Variants in TBCA observed in about 807,000 individuals in gnomAD.
The protein encoded by TBCA is tubulin folding cofactor A.
In TBCA, 6 loss-of-function variants were observed where a neutral mutation model predicts 15.8. The ratio of observed to expected loss-of-function variants is 0.38; its 90% confidence interval spans 0.21 to 0.75. The LOEUF (loss-of-function observed/expected upper bound fraction) is 0.75, where lower values mean the gene tolerates loss of function less well. Ranked by LOEUF, TBCA falls within the 30% of genes least tolerant of loss-of-function variation. The pLI is 0.46. For synonymous variants in TBCA, 32 were observed against 42.3 expected (o/e 0.76, Z 0.94); for missense variants, 90 against 131.2 (o/e 0.69, Z 1.53).
chr5:77,733,503 G>A (rs899705341), intron 1 of TBCA, among the ~76,000 whole-genome samples: 3 of 152,200 alleles, frequency 2.0e-5, no homozygotes, highest in African/African-American at 7.2e-5. Context: ...TAGTGATCTG[G>A]ATAGATCAAA....
chr5:77,691,712 C>T, intron 3 of TBCA: 2 of 1,294,636 alleles, frequency 1.5e-6, no homozygotes, highest in African/African-American at 1.5e-5. Flanking sequence ...TTTTGTTTCA[C>T]TGTATATATT....
At chr5:77,698,546 C>T (rs1745927474) in intron 2 of TBCA, among the ~76,000 whole-genome samples, 1 of 152,118 alleles carries the variant, frequency 6.6e-6, no homozygotes, top group African/African-American at 2.4e-5. Flanking sequence ...GCTCTCCAGG[C>T]CCAGATAATT....
intron 1 of TBCA, among the ~76,000 whole-genome samples, chr5:77,745,703 T>C (rs992775735): frequency 6.6e-6 from 1 of 152,242 alleles, no homozygotes; most frequent in African/African-American, 2.4e-5. Context: ...TAGTGCCTTA[T>C]ACGTAGTAGA....
chr5:77,757,822 G>A (rs1322012151), intron 1 of TBCA, among the ~76,000 whole-genome samples: 1 of 152,160 alleles, frequency 6.6e-6, no homozygotes, highest in Non-Finnish European at 1.5e-5. Context: ...ATGTGCCCAA[G>A]GTGGCTGGAG....
intron 1 of TBCA, among the ~76,000 whole-genome samples, chr5:77,751,601 T>C (rs1225575578): frequency 6.6e-6 from 1 of 152,090 alleles, no homozygotes; most frequent in East Asian, 1.9e-4. Flanking sequence ...AGAGGAGATG[T>C]GGCCAGAGGC....
At chr5:77,727,233 T>A (rs1309859225) in intron 1 of TBCA, among the ~76,000 whole-genome samples, 12 of 121,766 alleles carry the variant, frequency 9.9e-5, no homozygotes, top group Non-Finnish European at 1.7e-4. Context: ...TGAGACTCTG[T>A]CTCAGGAAAA....
intron 2 of TBCA, among the ~76,000 whole-genome samples, chr5:77,700,318 T>A (rs1188855450): frequency 6.6e-6 from 1 of 152,046 alleles, no homozygotes; most frequent in African/African-American, 2.4e-5. Flanking sequence ...ACAAAGGGCA[T>A]GTGTCTAGTA....
chr5:77,762,271 A>T (rs1335010335), intron 1 of TBCA, among the ~76,000 whole-genome samples: 1 of 152,260 alleles, frequency 6.6e-6, no homozygotes, highest in Non-Finnish European at 1.5e-5. Context: ...TTCTATTTAT[A>T]AACAAAAGAC....
intron 2 of TBCA, among the ~76,000 whole-genome samples, chr5:77,699,566 T>A (rs1055885758): frequency 3.9e-5 from 6 of 152,072 alleles, no homozygotes; most frequent in Non-Finnish European, 5.9e-5. Context: ...AACCTAACAC[T>A]TTATATAAAA....
intron 1 of TBCA, among the ~76,000 whole-genome samples, chr5:77,729,238 TGGGA>T (rs1746702689): frequency 6.6e-6 from 1 of 151,840 alleles, no homozygotes; most frequent in African/African-American, 2.4e-5. Flanking sequence ...CGCTTGAACC[TGGGA>T]GGAAGAGGTT....
In TBCA at chr5:77,708,305, T is replaced by C; in HGVS notation, c.96A>G (p.Gln32=). Reference sequence around the variant, plus strand: ...TCATTTTTTCAATCTTTTCTTCTTGTTGTTTTGCCTCTTTTTCATACATCA... The same window carrying C: ...TCATTTTTTCAATCTTTTCTTCTTGCTGTTTTGCCTCTTTTTCATACATCA... ...EKVMYEKEAK[Q]QEEKIEKMRA... Residue 32 remains glutamine, a synonymous_variant, in exon 2 of 4, where the codon CAA becomes CAG. Coordinates refer to ENST00000380377, the MANE Select transcript of TBCA (RefSeq NM_004607.3). The C allele has an allele frequency of 6.2e-7, 1 of 1,611,824 alleles. No individual in the cohort carries two copies.
intron 1 of TBCA, among the ~76,000 whole-genome samples, chr5:77,747,572 A>G (rs1747216064): frequency 1.3e-5 from 2 of 152,150 alleles, no homozygotes; most frequent in African/African-American, 2.4e-5. Flanking sequence ...TCTTTCTTTA[A>G]AAGACTAATG....
intron 2 of TBCA, among the ~76,000 whole-genome samples, chr5:77,702,454 G>A (rs186685781): frequency 6.6e-6 from 1 of 152,148 alleles, no homozygotes; most frequent in Non-Finnish European, 1.5e-5. Context: ...TCCATTCTAC[G>A]TTATGTGACA....
chr5:77,743,572 T>A (rs1747098837), intron 1 of TBCA, among the ~76,000 whole-genome samples: 1 of 152,204 alleles, frequency 6.6e-6, no homozygotes, highest in African/African-American at 2.4e-5. Flanking sequence ...GGCTAAAGTC[T>A]GCCGTCAGGG....
chr5:77,741,016 A>G (rs13162532), intron 1 of TBCA, among the ~76,000 whole-genome samples: 87,274 of 152,032 alleles, frequency 0.57, 25,232 homozygotes, highest in South Asian at 0.66. Flanking sequence ...TATCACTGTA[A>G]CAAGAAAACA....
chr5:77,721,540 A>G (rs185110295), intron 1 of TBCA, among the ~76,000 whole-genome samples: 1 of 152,266 alleles, frequency 6.6e-6, no homozygotes, highest in African/African-American at 2.4e-5. Context: ...ATCCTATCTG[A>G]TGGTATACGT....
At chr5:77,744,903 C>T (rs1747147571) in intron 1 of TBCA, among the ~76,000 whole-genome samples, 1 of 152,172 alleles carries the variant, frequency 6.6e-6, no homozygotes, top group Non-Finnish European at 1.5e-5. Context: ...AAAGGTATAG[C>T]CAGTACACTG....
rs1254079717 is a variant in TBCA, at chr5:77,776,329, C to A, written c.-72G>T. ...CGTGGAGGGCGACGCGCAGAGGCTGCGGCTATTTAGGCGTGGTCGCCGGCG... is the reference window on the plus strand; with the variant it reads ...CGTGGAGGGCGACGCGCAGAGGCTGAGGCTATTTAGGCGTGGTCGCCGGCG... On this transcript the variant is annotated 5_prime_UTR_variant, in exon 1 of 4. Coordinates refer to ENST00000380377, the MANE Select transcript of TBCA (RefSeq NM_004607.3). 17 of 1,533,434 alleles carry A rather than the reference C, an allele frequency of 1.1e-5. No homozygotes were observed. Among genetic ancestry groups the A allele is most frequent in the Non-Finnish European group, 1.5e-5 (17 of 1,133,560 alleles). 95.0% of individuals were successfully genotyped at this position (1,533,434 alleles called of 1,614,324 possible). A position where few individuals can be genotyped will look rare whatever the true frequency, so the allele number is the denominator to read the frequency against.
At position 77,693,731 on chromosome 5, in the gene TBCA, G is replaced by A. The variant is rs766224124; in HGVS notation, c.160-379C>T. On this transcript the variant is annotated intron_variant, in intron 2 of 3. Transcript: ENST00000380377. ...GGAGAATCGCTTGAACCCAGGAGGC[G>A]GAGGCTGTGATGAGCTGAGATTGCA... The A allele has an allele frequency of 2.1e-5, 4 of 191,006 alleles. 1 individual carries two copies. The highest frequency in any genetic ancestry group is 3.0e-4 in the East Asian group (2 of 6,588). The allele number at this position is 191,006 out of a possible 1,614,324, so 11.8% of individuals were successfully genotyped here.
Sources: gnomAD v4.1 joint callset for allele counts (sites outside exome capture counted in the v4.1 genomes callset) on GRCh38, gnomAD v4.1.1 for gene constraint, MANE v1.5 for transcripts, NCBI Gene and HGNC (gene_info 2026-07-23, HGNC 2026-07-21) for gene names.